Variants in KATNAL2 observed in about 807,000 individuals in gnomAD.
KATNAL2 encodes katanin catalytic subunit A1 like 2, also known as katanin p60 ATPase-containing subunit A-like 2.
KATNAL2 carries 52 observed loss-of-function variants against 76.3 expected under a neutral mutation model. The observed-to-expected ratio is 0.68, with a 90% CI of 0.55 to 0.86. KATNAL2 has a LOEUF of 0.86. Among genes scored for constraint, KATNAL2 ranks in the 40% least tolerant of loss-of-function variants. The pLI is 0.00. For synonymous variants in KATNAL2, 243 were observed against 244.2 expected (o/e 1.00, Z 0.05); for missense variants, 660 against 668.9 (o/e 0.99, Z 0.15).
chr18:47,035,054 C>T (rs778447573), intron 3 of KATNAL2: 2 of 1,611,750 alleles, frequency 1.2e-6, no homozygotes, highest in East Asian at 2.2e-5. Flanking sequence ...TTCCACCGGG[C>T]CGCTAAGTCT....
At chr18:47,064,792 T>G (rs935264523) in intron 10 of KATNAL2, among the ~76,000 whole-genome samples, 33 of 152,164 alleles carry the variant, frequency 2.2e-4, no homozygotes, top group African/African-American at 8.0e-4. Context: ...ACCCTGCTCC[T>G]GCTTGAATGC....
At chr18:47,040,273 A>T (rs2060918692) in intron 3 of KATNAL2, among the ~76,000 whole-genome samples, 1 of 152,260 alleles carries the variant, frequency 6.6e-6, no homozygotes, top group African/African-American at 2.4e-5. Context: ...ACTAGGAAAG[A>T]CCGGCTGGTA....
At chr18:47,025,860 C>T in intron 3 of KATNAL2, among the ~76,000 whole-genome samples, 1 of 151,990 alleles carries the variant, frequency 6.6e-6, no homozygotes, top group Non-Finnish European at 1.5e-5. Context: ...ATATTTTGTG[C>T]GGGGGTTGTT....
At chr18:46,921,744 T>C (rs995827311) in intron 1 of KATNAL2, among the ~76,000 whole-genome samples, 3 of 151,434 alleles carry the variant, frequency 2.0e-5, no homozygotes, top group African/African-American at 4.9e-5. Flanking sequence ...CCATATGATA[T>C]ATCCTAGTAA....
At chr18:46,952,017 C>T (rs1345041485) in intron 3 of KATNAL2, among the ~76,000 whole-genome samples, 3 of 152,200 alleles carry the variant, frequency 2.0e-5, no homozygotes, top group Admixed American at 1.3e-4. Context: ...AAGTGCTCCA[C>T]CTGCCTTGAC....
chr18:46,946,300 A>G lies in KATNAL2; in HGVS notation c.-266A>G. 1 of 1,056,610 alleles carries G rather than the reference A, an allele frequency of 9.5e-7. No individual in the cohort carries two copies. The highest frequency in any genetic ancestry group is 5.0e-5 in the Admixed American group (1 of 19,818). 65.5% of individuals were successfully genotyped at this position (1,056,610 alleles called of 1,614,324 possible). A position where few individuals can be genotyped will look rare whatever the true frequency, so the allele number is the denominator to read the frequency against. On this transcript the variant is annotated 5_prime_UTR_variant, in exon 2 of 18. Coordinates refer to ENST00000683218, the MANE Select transcript of KATNAL2 (RefSeq NM_001387690.1). ...GGTCTGATGTGAAAGGAATTGGAGG[A>G]GAAGGGGAAGTTTGGTGATGCACAG... is the stretch of plus-strand genomic sequence containing the variant.
At chr18:47,033,871 A>G (rs753706804) in intron 3 of KATNAL2, 25 of 1,613,774 alleles carry the variant, frequency 1.5e-5, no homozygotes, top group East Asian at 8.9e-5. Flanking sequence ...GGCCTCTGAG[A>G]GGTCCCAGAG....
chr18:46,942,411 T>C (rs1385806934), intron 1 of KATNAL2, among the ~76,000 whole-genome samples: 1 of 152,128 alleles, frequency 6.6e-6, no homozygotes, highest in African/African-American at 2.4e-5. Flanking sequence ...GGTCAGGAGA[T>C]TGAGACCATC....
At chr18:47,064,043 A>T (rs1047799654) in intron 10 of KATNAL2, among the ~76,000 whole-genome samples, 3 of 152,140 alleles carry the variant, frequency 2.0e-5, no homozygotes, top group Non-Finnish European at 4.4e-5. Context: ...GTTTAAAATG[A>T]TCCCCAAAAT....
At chr18:46,925,935 C>T (rs1480279668) in intron 1 of KATNAL2, among the ~76,000 whole-genome samples, 1 of 152,092 alleles carries the variant, frequency 6.6e-6, no homozygotes, top group Admixed American at 6.6e-5. Context: ...GTGATATCCC[C>T]TTTATCATTT....
chr18:47,099,710 G>A (rs187655959), intron 16 of KATNAL2, among the ~76,000 whole-genome samples: 1 of 152,230 alleles, frequency 6.6e-6, no homozygotes, highest in Non-Finnish European at 1.5e-5. Context: ...TACTCTTTGA[G>A]CCTGTTTCTT....
chr18:46,956,591 GT>G (rs2059754750), intron 3 of KATNAL2, among the ~76,000 whole-genome samples: 1 of 151,840 alleles, frequency 6.6e-6, no homozygotes, highest in Non-Finnish European at 1.5e-5. Context: ...ATATTTGAAT[GT>G]TTACTGGTTG....
At chr18:46,923,135 A>G (rs1222449927) in intron 1 of KATNAL2, among the ~76,000 whole-genome samples, 1 of 151,120 alleles carries the variant, frequency 6.6e-6, no homozygotes, top group Non-Finnish European at 1.5e-5. Context: ...ACATATGTAT[A>G]CATGTGCCAT....
chr18:46,955,520 C>T (rs576426484), intron 3 of KATNAL2, among the ~76,000 whole-genome samples: 11 of 151,046 alleles, frequency 7.3e-5, no homozygotes, highest in South Asian at 4.2e-4. Flanking sequence ...CCGCGCCTGA[C>T]GCTTCCTTCC....
At position 47,067,036 on chromosome 18, in the gene KATNAL2, A is replaced by T; in HGVS notation, c.742A>T (p.Asn248Tyr). 1 of 1,590,136 alleles carries T rather than the reference A, an allele frequency of 6.3e-7. No individual in the cohort carries two copies. Among genetic ancestry groups the T allele is most frequent in the Non-Finnish European group, 8.6e-7 (1 of 1,163,334 alleles). ...AVVSRDIYLH[N>Y]PNIKWNDIIG... is the part of the protein sequence containing the mutation. ...TGCATTGCAGGACATTTATCTCCAT[A>T]ATCCAAACATAAAGTGGAATGACAT... The change falls in exon 11 of 18, where the codon AAT becomes TAT. Residue 248 changes from asparagine to tyrosine, a missense_variant. Physicochemically the swap from Asn to Tyr is moderately radical, Grantham distance 143 (BLOSUM62 -2). Coordinates refer to ENST00000683218, the MANE Select transcript of KATNAL2 (RefSeq NM_001387690.1).
At position 47,052,903 on chromosome 18, in the gene KATNAL2, T is replaced by G; in HGVS notation, c.146T>G (p.Leu49Trp). 1 of 1,610,076 alleles carries G rather than the reference T, an allele frequency of 6.2e-7. No individual in the cohort carries two copies. Among genetic ancestry groups the G allele is most frequent in the East Asian group, 2.2e-5 (1 of 44,830 alleles). ...QEGYIDTANA[L>W]EQETKLGLRR... The stretch of plus-strand genomic sequence containing the variant: ...AGGTATATCGATACAGCAAATGCTT[T>G]GGAGCAAGAAACTAAACTGGGGTTA... Residue 49 changes from leucine to tryptophan, a missense_variant, in exon 5 of 18, where the codon TTG becomes TGG. Leu to Trp is a moderately conservative substitution (Grantham distance 61). Coordinates refer to ENST00000683218, the MANE Select transcript of KATNAL2 (RefSeq NM_001387690.1).
chr18:46,956,173 G>C (rs1014970728), intron 3 of KATNAL2, among the ~76,000 whole-genome samples: 1 of 152,178 alleles, frequency 6.6e-6, no homozygotes, highest in African/African-American at 2.4e-5. Flanking sequence ...CTGAGCATGA[G>C]AGTGGGTATT....
At chr18:47,066,845 GTTTA>G (rs2061811214) in intron 10 of KATNAL2, among the ~76,000 whole-genome samples, 172 bp from the exon 11 acceptor site, 1 of 25,408 alleles carries the variant, frequency 3.9e-5, no homozygotes, top group Non-Finnish European at 8.3e-5. Context: ...GTATATATGT[GTTTA>G]TATATATATA....
At position 47,088,599 on chromosome 18, in the gene KATNAL2, A is replaced by AG. The variant is rs550342335; in HGVS notation, c.1212-10638dup. Among the ~76,000 whole-genome samples the AG allele has an allele frequency of 1.1e-4, 17 of 152,002 alleles. No homozygotes were observed. The South Asian group carries it at 2.3e-3, about 20-fold the overall frequency. ...ATAAATTTATTCATTCATTTTTGAG[A>AG]GGGGGGTCTCACTCTGTTACCCAGG... On this transcript the variant is annotated intron_variant, in intron 15 of 17. Transcript: ENST00000683218.
Sources: allele counts gnomAD v4.1 joint callset (sites outside exome capture counted in the v4.1 genomes callset), GRCh38; gene constraint gnomAD v4.1.1; transcripts MANE v1.5; gene names NCBI Gene and HGNC (gene_info 2026-07-23, HGNC 2026-07-21).